Variants in USP34 observed in about 807,000 individuals in gnomAD.
The protein encoded by USP34 is ubiquitin carboxyl-terminal hydrolase 34.
A neutral mutation model predicts 460.3 loss-of-function variants in USP34; 70 were observed. The ratio of observed to expected loss-of-function variants is 0.15; its 90% CI spans 0.13 to 0.19. The LOEUF (loss-of-function observed/expected upper bound fraction) is 0.19, where lower values mean the gene tolerates loss of function less well. USP34 is among the 10% of genes least tolerant of loss of function. USP34 has a pLI of 1.00. For missense variants in USP34, 3,985 were observed against 4,236.2 expected (o/e 0.94, Z 1.65); for synonymous variants, 1,647 against 1,405.3 (o/e 1.17, Z -3.85).
intron 1 of USP34, among the ~76,000 whole-genome samples, chr2:61,460,563 G>A (rs1695569324): frequency 6.6e-6 from 1 of 152,082 alleles, no homozygotes; most frequent in Non-Finnish European, 1.5e-5. Context: ...CAGTATATAG[G>A]GTACAGCACT....
At chr2:61,276,921 T>C (rs752999648) in intron 41 of USP34, among the ~76,000 whole-genome samples, 2 of 152,172 alleles carry the variant, frequency 1.3e-5, no homozygotes, top group Non-Finnish European at 2.9e-5. Flanking sequence ...TCCTAACACA[T>C]TCAGTAACTT....
chr2:61,231,904 C>T (rs192456933), intron 58 of USP34, among the ~76,000 whole-genome samples: 10 of 149,652 alleles, frequency 6.7e-5, no homozygotes, highest in Non-Finnish European at 1.0e-4. Flanking sequence ...TATACACACA[C>T]GCATATATAT....
At chr2:61,382,491 C>T (rs1050650291) in intron 6 of USP34, among the ~76,000 whole-genome samples, 3 of 152,076 alleles carry the variant, frequency 2.0e-5, no homozygotes, top group Non-Finnish European at 4.4e-5. Context: ...TCAGAAAGGC[C>T]CCATACTCCC....
chr2:61,187,753 G>C lies in USP34; in HGVS notation c.*349C>G. ...CTATAAGGTACAAAACTGGCACAGA[G>C]GACACCATATCATACACAGTAAAAA... On this transcript the variant is annotated 3_prime_UTR_variant, in exon 80 of 80. Transcript: ENST00000398571. 1 of 524,262 alleles carries C rather than the reference G, an allele frequency of 1.9e-6. No homozygotes were observed. Among genetic ancestry groups the C allele is most frequent in the Non-Finnish European group, 2.6e-6 (1 of 387,270 alleles). The allele number at this position is 524,262 out of a possible 1,614,324, so 32.5% of individuals were successfully genotyped here.
chr2:61,310,565 A>G (rs1471756924), intron 27 of USP34, among the ~76,000 whole-genome samples: 3 of 151,072 alleles, frequency 2.0e-5, no homozygotes, highest in East Asian at 3.9e-4. Flanking sequence ...ATATATGTAT[A>G]TATATTCTTA....
At chr2:61,378,270 G>T in intron 8 of USP34, 93 bp downstream of exon 8, 1 of 929,150 alleles carries the variant, frequency 1.1e-6, no homozygotes, top group Non-Finnish European at 1.6e-6. Flanking sequence ...AGAATTTCTA[G>T]TAAAAATTTT....
chr2:61,294,002 G>A (rs1251405296), intron 32 of USP34, among the ~76,000 whole-genome samples: 1 of 151,902 alleles, frequency 6.6e-6, no homozygotes, highest in African/African-American at 2.4e-5. Flanking sequence ...GTGACAAGGT[G>A]AGACCCTGTC....
intron 2 of USP34, among the ~76,000 whole-genome samples, chr2:61,419,060 CTTTA>C (rs911909093): frequency 2.0e-5 from 3 of 152,124 alleles, no homozygotes; most frequent in Admixed American, 6.6e-5. Flanking sequence ...ACAGTAGTAG[CTTTA>C]TTATTATTCT....
chr2:61,258,375 C>T (rs1688778008), intron 44 of USP34, among the ~76,000 whole-genome samples: 2 of 152,056 alleles, frequency 1.3e-5, no homozygotes, highest in Admixed American at 1.3e-4. Flanking sequence ...CAATCCCTGT[C>T]CTCAAGATTT....
In USP34 at chr2:61,344,015, T is replaced by C; in HGVS notation, c.2300A>G (p.Asp767Gly). The change falls in exon 16 of 80, where the codon GAT (aspartate) becomes GGT (glycine). Residue 767 changes from aspartate (D) to glycine (G), a missense_variant. Physicochemically the swap from Asp to Gly is moderately conservative, Grantham distance 94 (BLOSUM62 -1). Coordinates refer to ENST00000398571, the MANE Select transcript of USP34 (RefSeq NM_014709.4). The part of the protein sequence containing the change: ...HHHHDGHMVD[D>G]MLSADDVSCS... ...ACTGACATCATCTGCACTTAGCATA[T>C]CATCAACCATATGCCTACAAAACAG... The C allele has an allele frequency of 6.2e-7, 1 of 1,613,530 alleles. No homozygotes were observed. The highest frequency in any genetic ancestry group is 2.2e-5 in the East Asian group (1 of 44,800).
At chr2:61,212,306 A>G (rs1242860717) in intron 68 of USP34, among the ~76,000 whole-genome samples, 1 of 152,250 alleles carries the variant, frequency 6.6e-6, no homozygotes, top group East Asian at 1.9e-4. Flanking sequence ...AGTGAATACA[A>G]TTCATTTTTA....
intron 3 of USP34, among the ~76,000 whole-genome samples, chr2:61,405,397 TTTC>T (rs201578778): frequency 0.012 from 1,830 of 152,222 alleles, 41 homozygotes; most frequent in African/African-American, 0.043. Context: ...ATTCCATGTG[TTTC>T]TTTTCCCTCA....
At chr2:61,360,448 C>T (rs956910758) in intron 10 of USP34, among the ~76,000 whole-genome samples, 1 of 152,012 alleles carries the variant, frequency 6.6e-6, no homozygotes, top group Non-Finnish European at 1.5e-5. Flanking sequence ...TTTACCACAG[C>T]AACAAAAGTA....
chr2:61,364,823 G>A (rs922647049), intron 10 of USP34, among the ~76,000 whole-genome samples: 2 of 151,956 alleles, frequency 1.3e-5, no homozygotes, highest in Admixed American at 6.6e-5. Flanking sequence ...CCAGCTACTC[G>A]GGAGGCTAAG....
chr2:61,392,244 G>A (rs547775808), intron 5 of USP34, among the ~76,000 whole-genome samples: 76 of 152,216 alleles, frequency 5.0e-4, no homozygotes, highest in Admixed American at 8.5e-4. Context: ...ACATGGGAGG[G>A]AGGTTTGCTT....
intron 57 of USP34, among the ~76,000 whole-genome samples, chr2:61,235,066 A>T (rs899795034): frequency 2.6e-5 from 4 of 152,182 alleles, no homozygotes; most frequent in African/African-American, 9.7e-5. Flanking sequence ...TTTACTTGAG[A>T]TTTGCTAAGG....
chr2:61,188,944 G>T lies in USP34; in HGVS notation c.9999C>A (p.Leu3333=). The change falls in exon 79 of 80, where the codon CTC becomes CTA. Residue 3333 remains leucine (L), a synonymous_variant. Transcript: ENST00000398571. ...CRTCLQQRNS[L]QEQEAKERKT... ...TTCTTTCTTTGGCTTCTTGCTCTTGGAGTGAGTTTCTCTGTTGCAGACAAG... is the reference window on the plus strand; with the variant it reads ...TTCTTTCTTTGGCTTCTTGCTCTTGTAGTGAGTTTCTCTGTTGCAGACAAG... 6.2e-7 allele frequency: 1 copy of T among 1,614,152 alleles called. No individual in the cohort carries two copies. Among genetic ancestry groups the T allele is most frequent in the Non-Finnish European group, 8.5e-7 (1 of 1,180,040 alleles).
In USP34 at chr2:61,208,975, G is replaced by A; in HGVS notation, c.8843C>T (p.Ala2948Val). The A allele has an allele frequency of 1.3e-6, 2 of 1,566,890 alleles. No homozygotes were observed. The highest frequency in any genetic ancestry group is 1.7e-6 in the Non-Finnish European group (2 of 1,156,014). Residue 2948 changes from alanine (A) to valine (V), a missense_variant and splice_region_variant, in exon 70 of 80, where the codon GCC becomes GTC. Ala to Val is a moderately conservative substitution (Grantham distance 64). Coordinates refer to ENST00000398571, the MANE Select transcript of USP34 (RefSeq NM_014709.4). Reference protein sequence around the residue: ...GRSCWTTLISAFRILLESDED... With the variant: ...GRSCWTTLISVFRILLESDED... The stretch of plus-strand genomic sequence containing the variant: ...ATCAGATTCTAATAGTATTCTGAAG[G>A]CACTAGAAGAAAACATAAAGTTCAG...
At chr2:61,345,970 T>C (rs1371993257) in intron 15 of USP34, among the ~76,000 whole-genome samples, 1 of 152,186 alleles carries the variant, frequency 6.6e-6, no homozygotes, top group Non-Finnish European at 1.5e-5. Flanking sequence ...CCCATCATAA[T>C]ACCACCACTA....
Sources: gnomAD v4.1 joint callset for allele counts (sites outside exome capture counted in the v4.1 genomes callset) on GRCh38, gnomAD v4.1.1 for gene constraint, MANE v1.5 for transcripts, NCBI Gene and HGNC (gene_info 2026-07-23, HGNC 2026-07-21) for gene names.